RASAL2: variants seen among roughly 807,000 people sequenced by gnomAD.
The protein encoded by RASAL2 is ras GTPase-activating protein nGAP.
Under a neutral mutation model 128.9 loss-of-function variants are expected in RASAL2, and 58 were observed. The ratio of observed to expected loss-of-function variants is 0.45; its 90% CI spans 0.36 to 0.56. RASAL2 has a LOEUF of 0.56. Ranked by LOEUF, RASAL2 falls within the 20% of genes least tolerant of loss-of-function variation. The pLI is 0.00. For synonymous variants in RASAL2, 561 were observed against 580.8 expected, an observed-to-expected ratio of 0.97 and a Z score of 0.49; for missense variants, 1,360 against 1,601.6, an observed-to-expected ratio of 0.85 and a Z score of 2.57.
chr1:178,261,308 C>G (rs1435126203), intron 1 of RASAL2, among the ~76,000 whole-genome samples: 1 of 152,178 alleles, frequency 6.6e-6, no homozygotes, highest in Non-Finnish European at 1.5e-5. Context: ...AGGCCTACCT[C>G]TGGATAGGTA....
chr1:178,306,453 G>C (rs1320997392), intron 3 of RASAL2, among the ~76,000 whole-genome samples: 1 of 152,172 alleles, frequency 6.6e-6, no homozygotes, highest in East Asian at 1.9e-4. Context: ...TCTAGTTCTA[G>C]ATCCCTGAGG....
chr1:178,127,061 C>T (rs531560473), intron 1 of RASAL2, among the ~76,000 whole-genome samples: 80 of 152,244 alleles, frequency 5.3e-4, no homozygotes, highest in African/African-American at 1.9e-3. Flanking sequence ...CTTATTTCGC[C>T]TCAGTCATCT....
chr1:178,097,894 C>T (rs1253212285), intron 1 of RASAL2, among the ~76,000 whole-genome samples: 1 of 152,068 alleles, frequency 6.6e-6, no homozygotes, highest in African/African-American at 2.4e-5. Flanking sequence ...TACGTATACT[C>T]AGGGTTTTGT....
At chr1:178,453,279 A>T (rs754730949) in intron 11 of RASAL2, among the ~76,000 whole-genome samples, 10 of 152,110 alleles carry the variant, frequency 6.6e-5, no homozygotes, top group Non-Finnish European at 1.0e-4. Context: ...TAATGTTTTT[A>T]AAAGTTTTAG....
chr1:178,390,073 T>C, intron 3 of RASAL2, 27 bp from the exon 4 acceptor site: 1 of 1,486,596 alleles, frequency 6.7e-7, no homozygotes, highest in Non-Finnish European at 9.3e-7. Context: ...TTCTTAATGA[T>C]GTTTCAACTT....
chr1:178,147,493 AAAAG>A (rs1289286933), intron 1 of RASAL2, among the ~76,000 whole-genome samples: 285 of 151,822 alleles, frequency 1.9e-3, no homozygotes, highest in African/African-American at 6.8e-3. Context: ...AAAAAAAAAA[AAAAG>A]AAAAGTAAAG....
At chr1:178,135,921 A>G (rs1660308943) in intron 1 of RASAL2, among the ~76,000 whole-genome samples, 1 of 152,168 alleles carries the variant, frequency 6.6e-6, no homozygotes, top group South Asian at 2.1e-4. Context: ...TGCCCCCATG[A>G]TTCAGTTATC....
At chr1:178,208,524 C>G (rs115182414) in intron 1 of RASAL2, among the ~76,000 whole-genome samples, 2,506 of 152,252 alleles carry the variant, frequency 0.016, 45 homozygotes, top group South Asian at 0.04. Flanking sequence ...TCTCTGCTCT[C>G]GAACCCTGTT....
rs1176504953 is a variant in RASAL2, at chr1:178,413,945, T to C, written c.565-6566T>C. ...ATTTCTGAGCTTGAGGACACCTCAG[T>C]AGAAAGTGGCAAGACTGAAAAGCAA... On this transcript the variant is annotated intron_variant, in intron 4 of 17. Coordinates refer to ENST00000367649, the MANE Select transcript of RASAL2 (RefSeq NM_170692.4). Among the ~76,000 whole-genome samples the C allele has an allele frequency of 2.0e-5, 3 of 151,920 alleles. No individual in the cohort carries two copies. In the East Asian group the frequency reaches 5.8e-4, roughly 29 times the overall value.
At chr1:178,151,505 C>A (rs1203864011) in intron 1 of RASAL2, among the ~76,000 whole-genome samples, 1 of 152,196 alleles carries the variant, frequency 6.6e-6, no homozygotes, top group Non-Finnish European at 1.5e-5. Context: ...CAGAGGCTTA[C>A]AGGAACCTAA....
chr1:178,334,231 C>G (rs1669474918), intron 3 of RASAL2, among the ~76,000 whole-genome samples: 1 of 151,510 alleles, frequency 6.6e-6, no homozygotes, highest in South Asian at 2.1e-4. Flanking sequence ...AGTTATTTTT[C>G]TTATTTAATG....
intron 1 of RASAL2, 100 bp from the exon 2 acceptor site, chr1:178,283,464 T>C: frequency 1.5e-5 from 21 of 1,419,212 alleles, no homozygotes; most frequent in Non-Finnish European, 2.0e-5. Flanking sequence ...GTGTTTAGGC[T>C]CACCTCTTTA....
intron 15 of RASAL2, 81 bp downstream of exon 15, chr1:178,464,493 C>G: frequency 1.3e-6 from 2 of 1,518,054 alleles, no homozygotes; most frequent in South Asian, 1.3e-5. Context: ...AGAACATAAA[C>G]TCATCCCACC....
chr1:178,347,485 A>G (rs937041110), intron 3 of RASAL2, among the ~76,000 whole-genome samples: 3 of 152,188 alleles, frequency 2.0e-5, no homozygotes, highest in African/African-American at 7.2e-5. Context: ...CCTACACATC[A>G]GTGAGAAAAA....
chr1:178,402,168 C>T (rs1202852557), intron 4 of RASAL2, among the ~76,000 whole-genome samples: 4 of 152,162 alleles, frequency 2.6e-5, no homozygotes, highest in Middle Eastern at 3.2e-3. Flanking sequence ...GTAATCCCAG[C>T]ACTTTGGGAG....
In RASAL2 at chr1:178,420,877, A is replaced by G. The variant is rs185245743; in HGVS notation, c.674+257A>G. On this transcript the variant is annotated intron_variant, in intron 5 of 17. Coordinates refer to ENST00000367649, the MANE Select transcript of RASAL2 (RefSeq NM_170692.4). ...GAGTCAGTTAAGCTATTTCTGTAGA[A>G]TCAAGTTACAGTGGTCAGAGGTGTA... 5.3e-5 allele frequency among the ~76,000 whole-genome samples: 8 copies of G among 152,310 alleles called. No homozygotes were observed. The East Asian group carries it at 1.5e-3, about 29-fold the overall frequency.
intron 3 of RASAL2, among the ~76,000 whole-genome samples, chr1:178,353,758 C>G (rs1670646215): frequency 6.6e-6 from 1 of 152,150 alleles, no homozygotes; most frequent in Admixed American, 6.5e-5. Context: ...GTAATGTAAC[C>G]TAATCAGTGG....
chr1:178,254,951 T>C (rs909524049), intron 1 of RASAL2, among the ~76,000 whole-genome samples: 1 of 150,278 alleles, frequency 6.7e-6, no homozygotes, highest in South Asian at 2.1e-4. Context: ...ACAAGGAAGC[T>C]CCAGTGAGAT....
rs528589072 is a variant in RASAL2, at chr1:178,094,635, T to A, written c.143T>A (p.Met48Lys). 6.2e-7 allele frequency: 1 copy of A among 1,613,926 alleles called. No individual in the cohort carries two copies. The highest frequency in any genetic ancestry group is 1.7e-5 in the Admixed American group (1 of 60,016). The change falls in exon 1 of 18, where the codon ATG becomes AAG. Residue 48 changes from methionine (M) to lysine (K), a missense_variant. By Grantham distance (95) the Met-to-Lys change is moderately conservative. Around this residue, in one of 3 missense-constraint regions of RASAL2, gnomAD observed 617 missense variants for 714.2 expected, o/e 0.86. Coordinates refer to ENST00000367649, the MANE Select transcript of RASAL2 (RefSeq NM_170692.4). The stretch of plus-strand genomic sequence containing the variant: ...GTCAGTGGAGCCGTCGCCGGTGGCA[T>A]GTTGGATCGGATCCTTCTGGAGTCC... ...VPVSGAVAGG[M>K]LDRILLESVC...
Sources: gnomAD v4.1 joint callset for allele counts (sites outside exome capture counted in the v4.1 genomes callset) on GRCh38, gnomAD v4.1.1 for gene constraint, gnomAD v4.1.1 regional missense constraint, MANE v1.5 for transcripts, NCBI Gene and HGNC (gene_info 2026-07-23, HGNC 2026-07-21) for gene names.